LRRC51: variants seen among roughly 807,000 people sequenced by gnomAD.
LRRC51 encodes the protein leucine-rich repeat-containing protein 51.
A neutral mutation model predicts 17.8 loss-of-function variants in LRRC51; 8 were observed. The ratio of observed to expected loss-of-function variants is 0.45; its 90% CI spans 0.26 to 0.81. The LOEUF is 0.81. LRRC51 is among the 30% of genes least tolerant of loss of function. LRRC51 has a pLI of 0.17. For synonymous variants in LRRC51, 92 were observed against 96.0 expected (o/e 0.96, Z 0.24); for missense variants, 233 against 239.3 (o/e 0.97, Z 0.17).
In LRRC51 at chr11:72,095,466, G is replaced by C; in HGVS notation, c.525G>C (p.Trp175Cys). 6.2e-7 allele frequency: 1 copy of C among 1,614,096 alleles called. No homozygotes were observed. The highest frequency in any genetic ancestry group is 8.5e-7 in the Non-Finnish European group (1 of 1,180,024). The change falls in exon 6 of 6, where the codon TGG becomes TGC. Residue 175 changes from tryptophan (W) to cysteine (C), a missense_variant. Trp to Cys is a radical substitution (Grantham distance 215, BLOSUM62 -2). Transcript: ENST00000289488. ...TKADRTTAEVWKRMNIKPKKA... is the reference protein window; with the variant it reads ...TKADRTTAEVCKRMNIKPKKA... ...CAGACCGCACCACAGCTGAAGTCTG[G>C]AAACGCATGAACATCAAGCCCAAGA...
rs910048824 is a variant in LRRC51, at chr11:72,095,116, A to G, written c.437+20A>G. 1 of 1,612,264 alleles carries G rather than the reference A, an allele frequency of 6.2e-7. No individual in the cohort carries two copies. Reference sequence around the variant, plus strand: ...GTATAGGTAAGTGCCCTGCCCCTGGAGGTAGCGTCTAGCTGGGCTCCCCTA... The same window carrying G: ...GTATAGGTAAGTGCCCTGCCCCTGGGGGTAGCGTCTAGCTGGGCTCCCCTA... On this transcript the variant is annotated intron_variant, in intron 5 of 5. Coordinates refer to ENST00000289488, the MANE Select transcript of LRRC51 (RefSeq NM_145309.6).
intron 3 of LRRC51, among the ~76,000 whole-genome samples, chr11:72,090,930 C>T (rs1417052598): frequency 6.6e-6 from 1 of 152,184 alleles, no homozygotes; most frequent in Admixed American, 6.5e-5. Flanking sequence ...CATAGTTTCC[C>T]AGATCTTCCT....
Position 72,095,645 on chromosome 11 carries a change from G to A in LRRC51, c.*125G>A, listed in dbSNP as rs1489832245. The stretch of plus-strand genomic sequence containing the variant: ...CTTGTAGAGATGTTCTCTAACTCAG[G>A]CAACTGCAAGTAGCTCTAGCCTTTT... On this transcript the variant is annotated 3_prime_UTR_variant, in exon 6 of 6. Transcript: ENST00000289488. 1 of 1,542,814 alleles carries A rather than the reference G, an allele frequency of 6.5e-7. No individual in the cohort carries two copies. The highest frequency in any genetic ancestry group is 8.7e-7 in the Non-Finnish European group (1 of 1,143,202).
At chr11:72,084,889 TGTGTGTGTGTGTGTGTAA>T (rs1292467822) in intron 1 of LRRC51, among the ~76,000 whole-genome samples, 1 of 125,134 alleles carries the variant, frequency 8.0e-6, no homozygotes, top group Non-Finnish European at 1.7e-5. Context: ...TGTGTGTGTG[TGTGTGTGTGTGTGTGTAA>T]AACCTTATTA....
At chr11:72,091,496 G>A (rs1273841656) in intron 3 of LRRC51, among the ~76,000 whole-genome samples, 2 of 152,138 alleles carry the variant, frequency 1.3e-5, no homozygotes, top group Non-Finnish European at 2.9e-5. Flanking sequence ...GGCAAAGGGT[G>A]TCCTTCCAGT....
intron 1 of LRRC51, among the ~76,000 whole-genome samples, chr11:72,087,107 G>A (rs1017727868): frequency 6.6e-6 from 1 of 152,126 alleles, no homozygotes. Context: ...GACTCAATCT[G>A]TCACCTCCCC....
chr11:72,089,292 C>G lies in LRRC51; in HGVS notation c.82+127C>G, dbSNP rs537316577. ...CCATATGCTTGCAGATGTGTTGTTA[C>G]TGTCTTTTGGAGGGTAGGGGAGAGT... On this transcript the variant is annotated intron_variant, in intron 3 of 5. Coordinates refer to ENST00000289488, the MANE Select transcript of LRRC51 (RefSeq NM_145309.6). 4.5e-6 allele frequency: 7 copies of G among 1,539,974 alleles called. No homozygotes were observed. The African/African-American group carries it at 6.9e-5, about 15-fold the overall frequency.
chr11:72,096,513 C>T lies in LRRC51; in HGVS notation c.*993C>T. On this transcript the variant is annotated 3_prime_UTR_variant, in exon 6 of 6. Transcript: ENST00000289488. ...TCAGCCTCCCAAAGTGCTAGGATTA[C>T]AGGATAAGCCACTGCACCTGGCCAG... 1.6e-6 allele frequency: 2 copies of T among 1,253,070 alleles called. No individual in the cohort carries two copies. The highest frequency in any genetic ancestry group is 2.0e-6 in the Non-Finnish European group (2 of 995,884). The allele number at this position is 1,253,070 out of a possible 1,614,324, so 77.6% of individuals were successfully genotyped here. A position where few individuals can be genotyped will look rare whatever the true frequency, so the allele number is the denominator to read the frequency against.
Position 72,088,379 on chromosome 11 carries a change from A to G in LRRC51, c.-57A>G. 1 of 702,632 alleles carries G rather than the reference A, an allele frequency of 1.4e-6. No individual in the cohort carries two copies. The highest frequency in any genetic ancestry group is 2.6e-6 in the Non-Finnish European group (1 of 384,970). 43.5% of individuals were successfully genotyped at this position (702,632 alleles called of 1,614,324 possible). On this transcript the variant is annotated splice_region_variant and 5_prime_UTR_variant, in exon 2 of 6. Transcript: ENST00000289488. ...TGGTGGAGTTTCAGCCATCAGTGAC[A>G]GGTGAGTGAGAGGTAGACTCTGGTT...
intron 3 of LRRC51, among the ~76,000 whole-genome samples, chr11:72,092,584 A>C (rs895004873): frequency 7.2e-5 from 11 of 152,222 alleles, no homozygotes; most frequent in African/African-American, 2.4e-4. Flanking sequence ...CCCATTACAC[A>C]CAGGGTAAAG....
At position 72,094,015 on chromosome 11, in the gene LRRC51, C is replaced by T. The variant is rs574797116; in HGVS notation, c.288+314C>T. Among the ~76,000 whole-genome samples the T allele has an allele frequency of 3.3e-5, 5 of 152,230 alleles. No homozygotes were observed. In the East Asian group the frequency reaches 7.7e-4, roughly 23 times the overall value. The stretch of plus-strand genomic sequence containing the variant: ...AATACATGAAAACCACCGGGCACAG[C>T]GGCTCACGCCTGTAATCCCAGCACT... On this transcript the variant is annotated intron_variant, in intron 4 of 5. Transcript: ENST00000289488.
chr11:72,086,423 G>C, intron 1 of LRRC51: 1 of 702,338 alleles, frequency 1.4e-6, no homozygotes, highest in Non-Finnish European at 2.6e-6. Flanking sequence ...TGTGAACAAG[G>C]TGTGGACTGA....
chr11:72,092,020 A>C (rs1295103068), intron 3 of LRRC51, among the ~76,000 whole-genome samples: 1 of 152,250 alleles, frequency 6.6e-6, no homozygotes, highest in Non-Finnish European at 1.5e-5. Flanking sequence ...CCTGGAACTT[A>C]CTACTATAAA....
chr11:72,096,712 A>G lies in LRRC51; in HGVS notation c.*1192A>G, dbSNP rs1240867741. The G allele has an allele frequency of 3.2e-6, 5 of 1,548,244 alleles. No individual in the cohort carries two copies. The highest frequency in any genetic ancestry group is 4.4e-6 in the Non-Finnish European group (5 of 1,145,410). ...GTTAAAGTAGATCAGTAATTTCCAA[A>G]CTCTTCACAGAGTACCAGGGTCTGT... is the stretch of plus-strand genomic sequence containing the variant. On this transcript the variant is annotated 3_prime_UTR_variant, in exon 6 of 6. Coordinates refer to ENST00000289488, the MANE Select transcript of LRRC51 (RefSeq NM_145309.6).
chr11:72,090,937 TC>T (rs529151561), intron 3 of LRRC51, among the ~76,000 whole-genome samples: 3 of 152,328 alleles, frequency 2.0e-5, no homozygotes, highest in Admixed American at 1.3e-4. Flanking sequence ...TCCCAGATCT[TC>T]CTGGAGCTAA....
At chr11:72,083,028 G>A (rs913692103) in intron 1 of LRRC51, among the ~76,000 whole-genome samples, 3 of 152,116 alleles carry the variant, frequency 2.0e-5, no homozygotes, top group Admixed American at 6.5e-5. Context: ...ACCACACCCG[G>A]CTAATTTTAT....
At chr11:72,081,923 A>G (rs981916891) in intron 1 of LRRC51, among the ~76,000 whole-genome samples, 4 of 152,170 alleles carry the variant, frequency 2.6e-5, no homozygotes, top group African/African-American at 7.2e-5. Context: ...CACAGATTGG[A>G]AAACTGAAAC....
intron 1 of LRRC51, among the ~76,000 whole-genome samples, chr11:72,084,210 T>C (rs1944399839): frequency 6.6e-6 from 1 of 152,106 alleles, no homozygotes; most frequent in African/African-American, 2.4e-5. Flanking sequence ...TTTTCCACCA[T>C]CAGTCCATCA....
chr11:72,088,473 G>T (rs1944668611), intron 2 of LRRC51, 93 bp downstream of exon 2: 1 of 694,410 alleles, frequency 1.4e-6, no homozygotes, highest in Admixed American at 2.0e-5. Flanking sequence ...GTATTTGGAT[G>T]GAAAGGTAAT....
Sources: gnomAD v4.1 joint callset for allele counts (sites outside exome capture counted in the v4.1 genomes callset) on GRCh38, gnomAD v4.1.1 for gene constraint, MANE v1.5 for transcripts, NCBI Gene and HGNC (gene_info 2026-07-23, HGNC 2026-07-21) for gene names.